DPP6: variants seen among roughly 807,000 people sequenced by gnomAD.
DPP6 encodes the protein dipeptidyl peptidase like 6.
DPP6 carries 69 observed loss-of-function variants against 122.6 expected under a neutral mutation model. The ratio of observed to expected loss-of-function variants is 0.56; its 90% CI spans 0.46 to 0.69. DPP6 has a LOEUF of 0.69. Among genes scored for constraint, DPP6 ranks in the 30% least tolerant of loss-of-function variants. The pLI is 0.00. For missense variants in DPP6, 928 were observed against 1,116.9 expected, an observed-to-expected ratio of 0.83 and a Z score of 2.41; for synonymous variants, 418 against 433.1, an observed-to-expected ratio of 0.97 and a Z score of 0.43.
At chr7:154,034,621 C>G (rs909169497) in intron 1 of DPP6, among the ~76,000 whole-genome samples, 1 of 152,168 alleles carries the variant, frequency 6.6e-6, no homozygotes, top group Non-Finnish European at 1.5e-5. Context: ...TGGAGCTCGA[C>G]AAGCATGACT....
At chr7:154,434,364 G>A (rs1818689640) in intron 1 of DPP6, among the ~76,000 whole-genome samples, 1 of 152,118 alleles carries the variant, frequency 6.6e-6, no homozygotes, top group Non-Finnish European at 1.5e-5. Context: ...CAGATATCGT[G>A]CCTGCAGGGC....
chr7:153,934,428 A>G (rs1210748894), intron 1 of DPP6, among the ~76,000 whole-genome samples: 1 of 152,178 alleles, frequency 6.6e-6, no homozygotes, highest in Non-Finnish European at 1.5e-5. Context: ...GTGTAAAGGA[A>G]GATAGTTGAG....
intron 1 of DPP6, among the ~76,000 whole-genome samples, chr7:154,170,099 T>A (rs1002080895): frequency 6.6e-6 from 1 of 152,130 alleles, no homozygotes; most frequent in South Asian, 2.1e-4. Context: ...AGGCCCTGAA[T>A]TCTGGCACCT....
chr7:154,764,881 A>G (rs751616422), intron 8 of DPP6, among the ~76,000 whole-genome samples: 21 of 152,154 alleles, frequency 1.4e-4, no homozygotes, highest in Non-Finnish European at 2.6e-4. Context: ...GTAAAGGGGC[A>G]CTTAATATAA....
intron 13 of DPP6, 96 bp downstream of exon 13, chr7:154,801,558 G>A: frequency 7.0e-7 from 1 of 1,437,252 alleles, no homozygotes; most frequent in Non-Finnish European, 9.2e-7. Context: ...GCGTTTTCGA[G>A]GACCCCAAGG....
intron 1 of DPP6, among the ~76,000 whole-genome samples, chr7:154,372,712 C>T (rs1031657577): frequency 6.6e-6 from 1 of 152,172 alleles, no homozygotes; most frequent in African/African-American, 2.4e-5. Context: ...TCATTGGAAG[C>T]AATTAAAATA....
At chr7:154,278,852 GTGTT>G (rs1294423419) in intron 1 of DPP6, among the ~76,000 whole-genome samples, 2 of 151,566 alleles carry the variant, frequency 1.3e-5, no homozygotes, top group Admixed American at 6.6e-5. Flanking sequence ...ATGCACGTGT[GTGTT>G]TGGTGTGTGT....
chr7:154,577,814 T>C lies in DPP6; in HGVS notation c.627+10898T>C, dbSNP rs1831782605. Among the ~76,000 whole-genome samples the C allele has an allele frequency of 1.3e-5, 2 of 152,210 alleles. 1 individual carries two copies. The highest frequency in any genetic ancestry group is 4.1e-4 in the South Asian group (2 of 4,834). On this transcript the variant is annotated intron_variant, in intron 5 of 25. Coordinates refer to ENST00000377770, the MANE Select transcript of DPP6 (RefSeq NM_130797.4). ...GCTGGCCATTATCGTAGCTCATTAG[T>C]GGCAATTACTTTCAGAGACTCAAAA...
intron 5 of DPP6, among the ~76,000 whole-genome samples, chr7:154,567,577 A>G (rs1359890481): frequency 2.0e-5 from 3 of 152,220 alleles, no homozygotes; most frequent in Non-Finnish European, 2.9e-5. Flanking sequence ...GTTTATTTGT[A>G]TAAGTGGAGA....
intron 1 of DPP6, among the ~76,000 whole-genome samples, chr7:154,427,422 CA>C (rs1404972101): frequency 6.6e-6 from 1 of 152,196 alleles, no homozygotes; most frequent in East Asian, 1.9e-4. Flanking sequence ...AATGAAGTCA[CA>C]TTCAGTAGTT....
At chr7:154,478,719 C>T (rs916163533) in intron 3 of DPP6, among the ~76,000 whole-genome samples, 16 of 152,086 alleles carry the variant, frequency 1.1e-4, no homozygotes, top group African/African-American at 3.4e-4. Context: ...TATAAACTAC[C>T]CTATTCTGGA....
At chr7:154,034,680 ATTCTT>A (rs751140740) in intron 1 of DPP6, among the ~76,000 whole-genome samples, 1 of 152,112 alleles carries the variant, frequency 6.6e-6, no homozygotes, top group African/African-American at 2.4e-5. Flanking sequence ...TTTTATGGTT[ATTCTT>A]TTGTGATTAT....
At chr7:154,644,892 G>A (rs1347295968) in intron 6 of DPP6, among the ~76,000 whole-genome samples, 2 of 151,832 alleles carry the variant, frequency 1.3e-5, no homozygotes, top group Non-Finnish European at 2.9e-5. Flanking sequence ...TTGCATTTTA[G>A]TAGATACGAC....
the DPP6 span, among the ~76,000 whole-genome samples, chr7:153,806,291 C>A: frequency 6.6e-6 from 1 of 152,112 alleles, no homozygotes; most frequent in Admixed American, 6.5e-5. Context: ...CCATGGGACC[C>A]TCATGGAAGT....
chr7:154,035,691 C>A (rs1799482338), intron 1 of DPP6, among the ~76,000 whole-genome samples: 1 of 151,986 alleles, frequency 6.6e-6, no homozygotes, highest in Non-Finnish European at 1.5e-5. Flanking sequence ...AATGTAAAAG[C>A]ATCAGGAAGC....
At chr7:154,712,097 A>C (rs1841224542) in intron 7 of DPP6, among the ~76,000 whole-genome samples, 1 of 152,210 alleles carries the variant, frequency 6.6e-6, no homozygotes, top group Admixed American at 6.5e-5. Context: ...TAAAGCCTCA[A>C]TTAGTTAAAA....
At chr7:154,620,988 G>A (rs7802458) in intron 5 of DPP6, among the ~76,000 whole-genome samples, 1 of 152,132 alleles carries the variant, frequency 6.6e-6, no homozygotes, top group African/African-American at 2.4e-5. Flanking sequence ...AATCTTCTAA[G>A]ACTACAAGAA....
intron 1 of DPP6, among the ~76,000 whole-genome samples, chr7:154,132,921 A>G: frequency 6.6e-6 from 1 of 151,946 alleles, no homozygotes; most frequent in Admixed American, 6.5e-5. Context: ...AACATTGCTC[A>G]TTCATTCAAG....
intron 1 of DPP6, among the ~76,000 whole-genome samples, chr7:154,035,283 G>A (rs1286268885): frequency 6.6e-6 from 1 of 152,180 alleles, no homozygotes; most frequent in African/African-American, 2.4e-5. Flanking sequence ...CATGTAATGG[G>A]TTCACTTTAA....
Sources: gnomAD v4.1 joint callset for allele counts (sites outside exome capture counted in the v4.1 genomes callset) on GRCh38, gnomAD v4.1.1 for gene constraint, MANE v1.5 for transcripts, NCBI Gene and HGNC (gene_info 2026-07-23, HGNC 2026-07-21) for gene names.